The following GALNT8 variants were observed in gnomAD, a reference collection of about 807,000 sequenced individuals.
GALNT8 encodes the protein probable polypeptide N-acetylgalactosaminyltransferase 8.
Under a neutral mutation model 62.7 loss-of-function variants are expected in GALNT8, and 66 were observed. That is an observed-to-expected ratio of 1.05 (90% CI 0.86 to 1.29). The LOEUF (loss-of-function observed/expected upper bound fraction) is 1.29, where lower values mean the gene tolerates loss of function less well. GALNT8 is among the 50% of genes most tolerant of loss of function. GALNT8 has a pLI of 0.00. For missense variants in GALNT8, 771 were observed against 791.8 expected, an observed-to-expected ratio of 0.97 and a Z score of 0.32; for synonymous variants, 288 against 294.3, an observed-to-expected ratio of 0.98 and a Z score of 0.22.
At chr12:4,730,871 T>C (rs902726887) in intron 2 of GALNT8, among the ~76,000 whole-genome samples, 6 of 150,908 alleles carry the variant, frequency 4.0e-5, no homozygotes, top group African/African-American at 1.2e-4. Context: ...CTTTTCTTTT[T>C]TTTTTTTTTT....
intron 7 of GALNT8, among the ~76,000 whole-genome samples, chr12:4,762,602 G>A (rs1002455597): frequency 6.6e-6 from 1 of 152,142 alleles, no homozygotes; most frequent in Non-Finnish European, 1.5e-5. Flanking sequence ...AAACCTGAGC[G>A]GCCCCACTAT....
At chr12:4,723,646 C>G (rs1946180975) in intron 1 of GALNT8, among the ~76,000 whole-genome samples, 2 of 152,100 alleles carry the variant, frequency 1.3e-5, no homozygotes, top group East Asian at 1.9e-4. Flanking sequence ...ATTCTTGGTG[C>G]TCCCACATTT....
rs374446216 is a variant in GALNT8, at chr12:4,736,711, A to G, written c.510-2452A>G. 1.2e-4 allele frequency among the ~76,000 whole-genome samples: 19 copies of G among 152,334 alleles called. No homozygotes were observed. In the East Asian group the frequency reaches 1.3e-3, roughly 11 times the overall value. On this transcript the variant is annotated intron_variant, in intron 2 of 10. Coordinates refer to ENST00000252318, the MANE Select transcript of GALNT8 (RefSeq NM_017417.2). The stretch of plus-strand genomic sequence containing the variant: ...AGGTTACCAATTGAATAAATAAACA[A>G]CGAAGCAAATTACAATGACATCTAC...
chr12:4,737,706 G>C (rs1460702365), intron 2 of GALNT8, among the ~76,000 whole-genome samples: 2 of 152,190 alleles, frequency 1.3e-5, no homozygotes, highest in Non-Finnish European at 2.9e-5. Flanking sequence ...GAGGTGTTTA[G>C]GTCGTGAAGG....
intron 2 of GALNT8, among the ~76,000 whole-genome samples, chr12:4,727,400 G>A (rs970032304): frequency 1.6e-4 from 25 of 151,848 alleles, no homozygotes; most frequent in African/African-American, 5.8e-4. Flanking sequence ...TTTAAAGTGT[G>A]CAATGTAATG....
chr12:4,724,431 C>T (rs1354255056), intron 1 of GALNT8, among the ~76,000 whole-genome samples: 1 of 152,134 alleles, frequency 6.6e-6, no homozygotes, highest in Non-Finnish European at 1.5e-5. Flanking sequence ...TGCATTTCCT[C>T]AAATTGACTT....
In GALNT8 at chr12:4,758,633, TGTGTGAGAGAGAGA is replaced by T. The variant is rs1226658495; in HGVS notation, c.1174-2323_1174-2310del. ...GTGTGTGTGTGTGTGTGTGTGTGTGTGTGTGAGAGAGAGAGAGAGAGAGAGAGAGAGAGAGAGAG... is the reference window on the plus strand; with the variant it reads ...GTGTGTGTGTGTGTGTGTGTGTGTGTGAGAGAGAGAGAGAGAGAGAGAGAG... On this transcript the variant is annotated intron_variant, in intron 6 of 10. Coordinates refer to ENST00000252318, the MANE Select transcript of GALNT8 (RefSeq NM_017417.2). 3.0e-3 allele frequency among the ~76,000 whole-genome samples: 242 copies of T among 79,880 alleles called. 1 individual carries two copies. The East Asian group carries it at 0.036, about 12-fold the overall frequency. The allele number at this position is 79,880 out of a possible 152,430, so 52.4% of individuals were successfully genotyped here.
chr12:4,734,321 C>T (rs979895224), intron 2 of GALNT8, among the ~76,000 whole-genome samples: 2 of 152,206 alleles, frequency 1.3e-5, no homozygotes, highest in African/African-American at 4.8e-5. Flanking sequence ...CACCCTCTTA[C>T]AGCATTGGTA....
At chr12:4,771,696 A>G (rs532730365) in intron 10 of GALNT8, among the ~76,000 whole-genome samples, 9 of 152,270 alleles carry the variant, frequency 5.9e-5, no homozygotes, top group Non-Finnish European at 1.0e-4. Flanking sequence ...AATGTAGATC[A>G]TGTGAGTCCT....
chr12:4,741,585 A>G (rs1161739972), intron 3 of GALNT8, among the ~76,000 whole-genome samples: 2 of 152,166 alleles, frequency 1.3e-5, no homozygotes, highest in Admixed American at 1.3e-4. Flanking sequence ...TGTGGAAAAA[A>G]AAAAAGTCAA....
chr12:4,759,773 T>C, intron 6 of GALNT8, among the ~76,000 whole-genome samples: 1 of 152,124 alleles, frequency 6.6e-6, no homozygotes, highest in East Asian at 1.9e-4. Flanking sequence ...TGCTAGCCAC[T>C]GCTATGGGCT....
chr12:4,746,318 G>A, intron 6 of GALNT8, 60 bp downstream of exon 6: 3 of 935,484 alleles, frequency 3.2e-6, no homozygotes, highest in South Asian at 1.3e-5. Flanking sequence ...TAGAAAGGTA[G>A]TAGGACCCCT....
chr12:4,755,488 G>C (rs1946340474), intron 6 of GALNT8, among the ~76,000 whole-genome samples: 1 of 152,244 alleles, frequency 6.6e-6, no homozygotes, highest in South Asian at 2.1e-4. Flanking sequence ...TAGCATCAGT[G>C]ATTCGCTACT....
intron 1 of GALNT8, among the ~76,000 whole-genome samples, chr12:4,725,765 A>G (rs1424919579): frequency 6.6e-6 from 1 of 152,090 alleles, no homozygotes; most frequent in Non-Finnish European, 1.5e-5. Flanking sequence ...CATGTTGGCC[A>G]GGCTGGTCTT....
At chr12:4,751,929 C>T (rs1169724887) in intron 6 of GALNT8, among the ~76,000 whole-genome samples, 2 of 152,132 alleles carry the variant, frequency 1.3e-5, no homozygotes, top group Admixed American at 6.5e-5. Context: ...TATCTGGATG[C>T]TCCAGTGTTG....
chr12:4,730,982 G>A (rs1946219531), intron 2 of GALNT8, among the ~76,000 whole-genome samples: 1 of 150,904 alleles, frequency 6.6e-6, no homozygotes, highest in Non-Finnish European at 1.5e-5. Flanking sequence ...CCGAGTAGCT[G>A]GGACTACAGG....
chr12:4,766,201 G>A (rs1324919609), intron 10 of GALNT8, among the ~76,000 whole-genome samples: 4 of 152,056 alleles, frequency 2.6e-5, no homozygotes, highest in Non-Finnish European at 5.9e-5. Context: ...GAAACACTGA[G>A]TCTCTTGACT....
Position 4,772,577 on chromosome 12 carries a change from G to A in GALNT8, c.1894G>A (p.Gly632Ser), listed in dbSNP as rs773013554. ...AATCCAGCACACTGTCAGAGACTGG[G>A]GTCAGACCAACAGCCAGTGATCCTC... ...WEIQHTVRDWGQTNSQ is the reference protein window; with the variant it reads ...WEIQHTVRDWSQTNSQ The change falls in exon 11 of 11, where the codon GGT becomes AGT. Residue 632 changes from glycine (G) to serine (S), a missense_variant. Coordinates refer to ENST00000252318, the MANE Select transcript of GALNT8 (RefSeq NM_017417.2). 7 of 1,613,528 alleles carry A rather than the reference G, an allele frequency of 4.3e-6. No homozygotes were observed. The Admixed American group carries it at 1.2e-4, about 27-fold the overall frequency.
chr12:4,721,732 G>A (rs1299176326), intron 1 of GALNT8, among the ~76,000 whole-genome samples: 1,323 of 133,570 alleles, frequency 9.9e-3, no homozygotes, highest in African/African-American at 0.02. Context: ...CTCAACTGCA[G>A]AAAGGCGTTC....
Sources: allele counts gnomAD v4.1 joint callset (sites outside exome capture counted in the v4.1 genomes callset), GRCh38; gene constraint gnomAD v4.1.1; transcripts MANE v1.5; gene names NCBI Gene and HGNC (gene_info 2026-07-23, HGNC 2026-07-21).